RNF152: variants seen among roughly 807,000 people sequenced by gnomAD.
RNF152 encodes ring finger protein 152.
RNF152 carries 11 observed loss-of-function variants against 12.7 expected under a neutral mutation model. The ratio of observed to expected loss-of-function variants is 0.86; its 90% CI spans 0.54 to 1.43. The LOEUF is 1.43. RNF152 is among the 40% of genes most tolerant of loss of function. RNF152 has a pLI of 0.00. For missense variants in RNF152, 255 were observed against 274.8 expected (o/e 0.93, Z 0.51); for synonymous variants, 113 against 120.3 (o/e 0.94, Z 0.40).
intron 1 of RNF152, among the ~76,000 whole-genome samples, chr18:61,823,748 A>G (rs1454145365): frequency 2.6e-5 from 4 of 152,240 alleles, no homozygotes; most frequent in Non-Finnish European, 5.9e-5. Flanking sequence ...GCAGCACACC[A>G]TCCAGAAGGC....
At chr18:61,873,219 A>C (rs540275296) in intron 1 of RNF152, among the ~76,000 whole-genome samples, 1 of 152,360 alleles carries the variant, frequency 6.6e-6, no homozygotes, top group Non-Finnish European at 1.5e-5. Context: ...ATTTCACAAA[A>C]TGCTTAAAAG....
At chr18:61,819,135 T>C (rs1445344089) in intron 1 of RNF152, among the ~76,000 whole-genome samples, 5 of 152,248 alleles carry the variant, frequency 3.3e-5, no homozygotes, top group African/African-American at 9.6e-5. Context: ...CTAGAGCAAC[T>C]TACAGAAGTC....
chr18:61,812,277 G>C lies in RNF152; in HGVS notation c.*3575C>G, dbSNP rs745375648. ...AACTGCCTAAAAGTCAATGTGCCTGGTGGCTACCGTACCAGACGGCACAGG... is the reference window on the plus strand; with the variant it reads ...AACTGCCTAAAAGTCAATGTGCCTGCTGGCTACCGTACCAGACGGCACAGG... On this transcript the variant is annotated 3_prime_UTR_variant, in exon 2 of 2. Coordinates refer to ENST00000312828, the MANE Select transcript of RNF152 (RefSeq NM_173557.3). 1 of 152,146 alleles carries C rather than the reference G, an allele frequency of 6.6e-6. No homozygotes were observed. The highest frequency in any genetic ancestry group is 2.4e-5 in the African/African-American group (1 of 41,434). The allele number at this position is 152,146 out of a possible 1,614,324, so 9.4% of individuals were successfully genotyped here.
chr18:61,838,302 T>C (rs1172889773), intron 1 of RNF152, among the ~76,000 whole-genome samples: 1 of 152,232 alleles, frequency 6.6e-6, no homozygotes, highest in Admixed American at 6.5e-5. Context: ...ACAATCCTAA[T>C]TCAATTTCAG....
intron 1 of RNF152, among the ~76,000 whole-genome samples, chr18:61,826,611 T>A (rs1346649403): frequency 3.3e-5 from 5 of 152,218 alleles, no homozygotes; most frequent in Non-Finnish European, 7.3e-5. Context: ...TGCACGTCCA[T>A]GATACTGAAC....
intron 1 of RNF152, among the ~76,000 whole-genome samples, chr18:61,828,582 A>G (rs544234388): frequency 6.6e-6 from 1 of 152,066 alleles, no homozygotes; most frequent in Non-Finnish European, 1.5e-5. Flanking sequence ...ACACCATTGC[A>G]CTGGCAAATT....
rs529437853 is a variant in RNF152 at position 61,831,595 on chromosome 18, A to G, written c.-135-14997T>C. Reference sequence around the variant, plus strand: ...TACTTTTATATCCAAGACTACGCACAAAGTATTTAAGATGTAAGATAAAAA... The same window carrying G: ...TACTTTTATATCCAAGACTACGCACGAAGTATTTAAGATGTAAGATAAAAA... On this transcript the variant is annotated intron_variant, in intron 1 of 1. Coordinates refer to ENST00000312828, the MANE Select transcript of RNF152 (RefSeq NM_173557.3). Among the ~76,000 whole-genome samples the G allele has an allele frequency of 2.0e-5, 3 of 152,312 alleles. No homozygotes were observed. The East Asian group carries it at 5.8e-4, about 29-fold the overall frequency.
In RNF152 at chr18:61,842,336, T is replaced by G. The variant is rs188619813; in HGVS notation, c.-135-25738A>C. Among the ~76,000 whole-genome samples, 86 of 152,340 alleles carry G rather than the reference T, an allele frequency of 5.6e-4. 1 individual carries two copies. Among genetic ancestry groups the G allele is most frequent in the Admixed American group, 2.3e-3 (35 of 15,310 alleles). On this transcript the variant is annotated intron_variant, in intron 1 of 1. Coordinates refer to ENST00000312828, the MANE Select transcript of RNF152 (RefSeq NM_173557.3). Reference sequence around the variant, plus strand: ...TAACTCACAGCACAGTTCTATTAATTGACAGCTGACCACACACCAGACATA... The same window carrying G: ...TAACTCACAGCACAGTTCTATTAATGGACAGCTGACCACACACCAGACATA...
At chr18:61,846,927 A>G (rs1179373952) in intron 1 of RNF152, among the ~76,000 whole-genome samples, 1 of 152,224 alleles carries the variant, frequency 6.6e-6, no homozygotes, top group African/African-American at 2.4e-5. Context: ...TTAATAATGT[A>G]GCCTTATGCA....
At chr18:61,830,114 C>T (rs4940529) in intron 1 of RNF152, among the ~76,000 whole-genome samples, 7,319 of 151,648 alleles carry the variant, frequency 0.048, 236 homozygotes, top group Non-Finnish European at 0.068. Flanking sequence ...CTTCACTTCA[C>T]GGGTTCCAGG....
intron 1 of RNF152, among the ~76,000 whole-genome samples, chr18:61,826,035 T>G: frequency 6.6e-6 from 1 of 152,186 alleles, no homozygotes; most frequent in East Asian, 1.9e-4. Context: ...TACAGTCTCT[T>G]TCACAGATAC....
chr18:61,820,063 C>T (rs1194511249), intron 1 of RNF152, among the ~76,000 whole-genome samples: 3 of 146,296 alleles, frequency 2.1e-5, no homozygotes. Flanking sequence ...GGCATGGTGG[C>T]TCACGCCTGT....
At chr18:61,867,059 G>A (rs1911765471) in intron 1 of RNF152, among the ~76,000 whole-genome samples, 1 of 152,152 alleles carries the variant, frequency 6.6e-6, no homozygotes, top group Admixed American at 6.5e-5. Flanking sequence ...CAAGTGAGAG[G>A]AGAACACCTA....
chr18:61,893,335 T>C (rs1218856903), upstream of RNF152: 1 of 152,382 alleles, frequency 6.6e-6, no homozygotes, highest in East Asian at 1.9e-4. Flanking sequence ...CGAGCATCTT[T>C]CTTTCGTTTG....
chr18:61,848,794 G>C (rs1036231761), intron 1 of RNF152, among the ~76,000 whole-genome samples: 7 of 152,222 alleles, frequency 4.6e-5, no homozygotes, highest in Admixed American at 2.0e-4. Flanking sequence ...CTAAGGCAGG[G>C]AGGAGGAAAG....
chr18:61,876,324 C>A (rs111824920), intron 1 of RNF152, among the ~76,000 whole-genome samples: 1 of 152,178 alleles, frequency 6.6e-6, no homozygotes, highest in African/African-American at 2.4e-5. Context: ...TCTAAAGGAG[C>A]ATCTTGGTAT....
At chr18:61,870,613 T>C (rs1032910081) in intron 1 of RNF152, among the ~76,000 whole-genome samples, 6 of 152,122 alleles carry the variant, frequency 3.9e-5, no homozygotes, top group African/African-American at 1.4e-4. Flanking sequence ...GCATTCTTCC[T>C]CTTCTTTTTT....
chr18:61,873,626 G>A (rs749688736), intron 1 of RNF152, among the ~76,000 whole-genome samples: 21 of 152,268 alleles, frequency 1.4e-4, no homozygotes, highest in African/African-American at 4.1e-4. Flanking sequence ...GAGCCACCAC[G>A]CCCAGCCTCA....
Position 61,814,898 on chromosome 18 carries a change from G to A in RNF152, c.*954C>T, listed in dbSNP as rs932486252. On this transcript the variant is annotated 3_prime_UTR_variant, in exon 2 of 2. Coordinates refer to ENST00000312828, the MANE Select transcript of RNF152 (RefSeq NM_173557.3). ...AAGAGGAGCGAGTGTTGCAGGTGAC[G>A]TGTAGGAGACCACTCGCTGGGTCAA... is the stretch of plus-strand genomic sequence containing the variant. 8.5e-5 allele frequency: 13 copies of A among 152,212 alleles called. No individual in the cohort carries two copies. Among genetic ancestry groups the A allele is most frequent in the Admixed American group, 4.6e-4 (7 of 15,276 alleles). 9.4% of individuals were successfully genotyped at this position (152,212 alleles called of 1,614,324 possible).
Sources: allele counts gnomAD v4.1 joint callset (sites outside exome capture counted in the v4.1 genomes callset), GRCh38; gene constraint gnomAD v4.1.1; transcripts MANE v1.5; gene names NCBI Gene and HGNC (gene_info 2026-07-23, HGNC 2026-07-21).